Variants in RBFOX1 observed in about 807,000 individuals in gnomAD.
The protein encoded by RBFOX1 is RNA binding protein fox-1 homolog 1.
In RBFOX1, 8 loss-of-function variants were observed where a neutral mutation model predicts 57.7. That is an observed-to-expected ratio of 0.14 (90% CI 0.08 to 0.25). RBFOX1 has a LOEUF of 0.25. RBFOX1 is among the 10% of genes least tolerant of loss of function. RBFOX1 has a pLI of 1.00. For synonymous variants in RBFOX1, 326 were observed against 222.4 expected (o/e 1.47, Z -4.15); for missense variants, 611 against 548.5 (o/e 1.11, Z -1.14).
At chr16:6,219,202 C>T (rs1477050540) in intron 1 of RBFOX1, among the ~76,000 whole-genome samples, 1 of 152,216 alleles carries the variant, frequency 6.6e-6, no homozygotes, top group African/African-American at 2.4e-5. Context: ...AGTGCAGTGG[C>T]TCACACCTGT....
chr16:6,319,679 C>T (rs77360754), intron 2 of RBFOX1, among the ~76,000 whole-genome samples: 3 of 152,258 alleles, frequency 2.0e-5, no homozygotes, highest in East Asian at 3.9e-4. Flanking sequence ...AGAATGAGCT[C>T]CCAGGAACCA....
intron 1 of RBFOX1, among the ~76,000 whole-genome samples, chr16:6,214,270 A>G (rs1221877112): frequency 3.3e-5 from 5 of 152,068 alleles, no homozygotes; most frequent in African/African-American, 9.7e-5. Context: ...ATATGCTAGT[A>G]TGCATTAGGA....
At chr16:6,509,449 G>T (rs891562758) in intron 2 of RBFOX1, among the ~76,000 whole-genome samples, 2 of 152,136 alleles carry the variant, frequency 1.3e-5, no homozygotes, top group Admixed American at 1.3e-4. Flanking sequence ...GAGGAACTTT[G>T]CATGTTCTTG....
intron 2 of RBFOX1, among the ~76,000 whole-genome samples, chr16:6,380,746 C>G (rs1335624950): frequency 6.6e-6 from 1 of 152,012 alleles, no homozygotes; most frequent in Non-Finnish European, 1.5e-5. Context: ...ACTCTGGGTC[C>G]AAAGGAGAAC....
At chr16:6,879,862 C>T (rs188139228) in intron 3 of RBFOX1, among the ~76,000 whole-genome samples, 1 of 152,160 alleles carries the variant, frequency 6.6e-6, no homozygotes, top group Non-Finnish European at 1.5e-5. Context: ...TTTGAATTAT[C>T]TCATAAATGT....
intron 3 of RBFOX1, among the ~76,000 whole-genome samples, chr16:5,757,554 G>C (rs566141793): frequency 6.6e-6 from 1 of 152,224 alleles, no homozygotes; most frequent in Non-Finnish European, 1.5e-5. Flanking sequence ...TAATAGGCCA[G>C]CCTAGAAGAA....
chr16:5,266,628 G>A (rs1470901189), intron 1 of RBFOX1, among the ~76,000 whole-genome samples: 1 of 148,744 alleles, frequency 6.7e-6, no homozygotes, highest in Non-Finnish European at 1.5e-5. Flanking sequence ...GCTCACTGCA[G>A]CCTCTGTCTC....
chr16:7,177,182 C>T (rs564694347), intron 4 of RBFOX1, among the ~76,000 whole-genome samples: 1 of 152,278 alleles, frequency 6.6e-6, no homozygotes, highest in African/African-American at 2.4e-5. Context: ...TAGTTTTCCC[C>T]ACATGGAGAA....
intron 2 of RBFOX1, among the ~76,000 whole-genome samples, chr16:6,459,654 T>C (rs1339569407): frequency 6.6e-6 from 1 of 151,886 alleles, no homozygotes; most frequent in Non-Finnish European, 1.5e-5. Flanking sequence ...ATATAGAAAA[T>C]ACCAATGTCT....
intron 3 of RBFOX1, among the ~76,000 whole-genome samples, chr16:6,761,226 G>T (rs952119859): frequency 1.3e-5 from 2 of 152,034 alleles, no homozygotes; most frequent in Admixed American, 1.3e-4. Flanking sequence ...TTGAAGCCCA[G>T]GTAATTGGGG....
chr16:6,916,113 C>T (rs764436066), intron 3 of RBFOX1, among the ~76,000 whole-genome samples: 4 of 152,050 alleles, frequency 2.6e-5, no homozygotes, highest in Admixed American at 1.3e-4. Flanking sequence ...GCGCTGTGTA[C>T]AAGACAACTG....
At chr16:7,073,990 G>A (rs1252957109) in intron 4 of RBFOX1, among the ~76,000 whole-genome samples, 2 of 152,236 alleles carry the variant, frequency 1.3e-5, no homozygotes, top group East Asian at 3.9e-4. Flanking sequence ...TATTTCATTG[G>A]AATATAGTCA....
intron 4 of RBFOX1, among the ~76,000 whole-genome samples, chr16:7,504,283 C>T (rs1047860506): frequency 6.6e-6 from 1 of 151,920 alleles, no homozygotes; most frequent in Non-Finnish European, 1.5e-5. Flanking sequence ...AGGGCAGTGG[C>T]AAGCATGTGG....
At chr16:6,957,999 GGGAA>G (rs2082223597) in intron 3 of RBFOX1, among the ~76,000 whole-genome samples, 1 of 152,144 alleles carries the variant, frequency 6.6e-6, no homozygotes, top group Non-Finnish European at 1.5e-5. Context: ...TGCATAGGGT[GGGAA>G]GGGACTACTC....
chr16:6,118,676 C>T (rs2096524707), intron 1 of RBFOX1, among the ~76,000 whole-genome samples: 1 of 146,148 alleles, frequency 6.8e-6, no homozygotes, highest in Non-Finnish European at 1.5e-5. Context: ...TTCCTTCCTT[C>T]TTCCTTCCTT....
In RBFOX1 at chr16:6,894,164, C is replaced by G. The variant is rs138694229; in HGVS notation, c.-15-157893C>G. 5.4e-4 allele frequency among the ~76,000 whole-genome samples: 82 copies of G among 152,314 alleles called. 1 individual carries two copies. The highest frequency in any genetic ancestry group is 2.5e-3 in the East Asian group (13 of 5,178). ...AATGATCTATAATTGCTACCTATCT[C>G]TTGTCTGTCTGTCTGTCCTTTTTAT... On this transcript the variant is annotated intron_variant, in intron 3 of 15. Transcript: ENST00000550418.
intron 2 of RBFOX1, among the ~76,000 whole-genome samples, chr16:5,518,663 C>G (rs2043890523): frequency 6.6e-6 from 1 of 152,196 alleles, no homozygotes; most frequent in Non-Finnish European, 1.5e-5. Flanking sequence ...GGTTCTGGTT[C>G]TACCTCCATT....
At chr16:5,439,303 C>T (rs9937809) in intron 1 of RBFOX1, among the ~76,000 whole-genome samples, 94,140 of 151,856 alleles carry the variant, frequency 0.62, 29,502 homozygotes, top group African/African-American at 0.69. Context: ...GGAAAGCAAA[C>T]AGACTTTATT....
In RBFOX1 at chr16:6,518,675, C is replaced by A. The variant is rs1022628524; in HGVS notation, c.-63-135928C>A. On this transcript the variant is annotated intron_variant, in intron 2 of 15. Coordinates refer to ENST00000550418, the MANE Select transcript of RBFOX1 (RefSeq NM_018723.4). ...CTTAAGGGCCACCCGGAGTAACTGC[C>A]CTTTGAATTTTATCTATGTATGTAT... 5.3e-5 allele frequency among the ~76,000 whole-genome samples: 8 copies of A among 152,026 alleles called. 1 individual carries two copies. The highest frequency in any genetic ancestry group is 5.2e-4 in the Admixed American group (8 of 15,252).
Sources: allele counts gnomAD v4.1 joint callset (sites outside exome capture counted in the v4.1 genomes callset), GRCh38; gene constraint gnomAD v4.1.1; transcripts MANE v1.5; gene names NCBI Gene and HGNC (gene_info 2026-07-23, HGNC 2026-07-21).